ULK4: variants seen among roughly 807,000 people sequenced by gnomAD.
The protein encoded by ULK4 is unc-51 like kinase 4, also known as inactive serine/threonine-protein kinase ULK4.
ULK4 carries 133 observed loss-of-function variants against 160.6 expected under a neutral mutation model. The ratio of observed to expected loss-of-function variants is 0.83; its 90% CI spans 0.72 to 0.96. ULK4 has a LOEUF of 0.96. Among genes scored for constraint, ULK4 ranks in the 40% least tolerant of loss-of-function variants. The pLI, the probability that ULK4 is intolerant of heterozygous loss-of-function variation, is 0.00. For missense variants in ULK4, 1,580 were observed against 1,499.5 expected (o/e 1.05, Z -0.89); for synonymous variants, 534 against 539.8 (o/e 0.99, Z 0.15).
At chr3:41,801,405 T>A (rs2040456476) in intron 19 of ULK4, among the ~76,000 whole-genome samples, 1 of 151,978 alleles carries the variant, frequency 6.6e-6, no homozygotes, top group South Asian at 2.1e-4. Context: ...GAAAAATGCT[T>A]GAAATATTGT....
At chr3:41,494,312 G>C (rs28841581) in intron 32 of ULK4, among the ~76,000 whole-genome samples, 87,159 of 99,662 alleles carry the variant, frequency 0.87, 38,811 homozygotes, top group Middle Eastern at 0.95. Flanking sequence ...CATATAAACA[G>C]AACCAAAGAC....
At chr3:41,389,066 A>G (rs1164018112) in intron 35 of ULK4, among the ~76,000 whole-genome samples, 1 of 152,012 alleles carries the variant, frequency 6.6e-6, no homozygotes, top group Non-Finnish European at 1.5e-5. Flanking sequence ...AGTGGTTTGT[A>G]GTTCTCCTTG....
intron 16 of ULK4, among the ~76,000 whole-genome samples, chr3:41,894,618 C>G (rs1698088487): frequency 6.6e-6 from 1 of 152,172 alleles, no homozygotes; most frequent in Non-Finnish European, 1.5e-5. Flanking sequence ...TACAAGGTAT[C>G]TCATATATTT....
rs549275588 is a variant in ULK4 at position 41,875,589 on chromosome 3, C to G, written c.1656+8285G>C. ...TGAGCTATGATTGTGCCACTGTAGT[C>G]CAGCCTGAACAACACAATGAGACTG... is the stretch of plus-strand genomic sequence containing the variant. On this transcript the variant is annotated intron_variant, in intron 17 of 36. Transcript: ENST00000301831. Among the ~76,000 whole-genome samples, 5 of 152,094 alleles carry G rather than the reference C, an allele frequency of 3.3e-5. No individual in the cohort carries two copies. The South Asian group carries it at 1.0e-3, about 32-fold the overall frequency.
intron 31 of ULK4, among the ~76,000 whole-genome samples, chr3:41,600,466 C>G (rs774430753): frequency 4.7e-4 from 71 of 152,156 alleles, no homozygotes; most frequent in Non-Finnish European, 2.4e-4. Flanking sequence ...AATGGGAGTT[C>G]ACTCTGACAG....
chr3:41,631,743 A>C (rs1402837967), intron 30 of ULK4, among the ~76,000 whole-genome samples: 2 of 151,936 alleles, frequency 1.3e-5, no homozygotes, highest in Admixed American at 6.6e-5. Flanking sequence ...GTACAAAAGG[A>C]GAAATGGGAA....
chr3:41,755,843 G>C (rs1360806037), intron 21 of ULK4, among the ~76,000 whole-genome samples: 1 of 152,154 alleles, frequency 6.6e-6, no homozygotes. Flanking sequence ...CTGAATCAAT[G>C]TTAGTTTCTT....
At chr3:41,850,497 T>C (rs1048198151) in intron 17 of ULK4, among the ~76,000 whole-genome samples, 17 of 151,934 alleles carry the variant, frequency 1.1e-4, no homozygotes, top group Middle Eastern at 6.8e-3. Flanking sequence ...TTTTAATGAT[T>C]GCCATTCTAA....
intron 12 of ULK4, among the ~76,000 whole-genome samples, chr3:41,905,737 T>C (rs1001767423): frequency 3.5e-4 from 53 of 152,266 alleles, no homozygotes; most frequent in African/African-American, 1.2e-3. Context: ...TCAACATCAT[T>C]AGCCATCAGG....
chr3:41,475,928 C>A (rs1188343062), intron 32 of ULK4, among the ~76,000 whole-genome samples: 1 of 137,438 alleles, frequency 7.3e-6, no homozygotes, highest in Non-Finnish European at 1.5e-5. Context: ...AGGGAAGGAG[C>A]GAAGGAAGGA....
chr3:41,289,409 C>T (rs2079517603), intron 35 of ULK4, among the ~76,000 whole-genome samples: 1 of 152,214 alleles, frequency 6.6e-6, no homozygotes. Context: ...TTACAATCAA[C>T]TGCAGCCACT....
chr3:41,776,616 A>G (rs7644787), intron 21 of ULK4, among the ~76,000 whole-genome samples: 25,834 of 116,718 alleles, frequency 0.22, 7,796 homozygotes, highest in African/African-American at 0.6. Flanking sequence ...AATTTATTGA[A>G]AGTTTTTAGC....
intron 20 of ULK4, among the ~76,000 whole-genome samples, chr3:41,790,987 C>A (rs1034114824): frequency 3.3e-5 from 5 of 151,752 alleles, no homozygotes; most frequent in African/African-American, 1.2e-4. Context: ...AGATTTATAA[C>A]CTTAATAACA....
intron 22 of ULK4, among the ~76,000 whole-genome samples, chr3:41,725,892 C>CAGAGACTG (rs2037631043): frequency 1.3e-5 from 2 of 152,184 alleles, no homozygotes; most frequent in Non-Finnish European, 2.9e-5. Context: ...TTAATCCAAA[C>CAGAGACTG]AGAGACTGAG....
chr3:41,552,731 T>G (rs1269514655), intron 32 of ULK4, among the ~76,000 whole-genome samples: 1 of 108,500 alleles, frequency 9.2e-6, no homozygotes, highest in South Asian at 2.8e-4. Flanking sequence ...TTTACAGAAA[T>G]AGAAAAAAAA....
At chr3:41,790,518 G>A (rs2040119567) in intron 20 of ULK4, among the ~76,000 whole-genome samples, 1 of 152,190 alleles carries the variant, frequency 6.6e-6, no homozygotes, top group Admixed American at 6.5e-5. Context: ...GCTTGGAAAG[G>A]AAGAAAAAGT....
chr3:41,782,277 T>G (rs1483805096), intron 21 of ULK4, among the ~76,000 whole-genome samples: 2 of 152,128 alleles, frequency 1.3e-5, no homozygotes, highest in East Asian at 1.9e-4. Context: ...CAGAAATATT[T>G]TCCAGATTCT....
chr3:41,569,679 A>G (rs2087903130), intron 31 of ULK4, among the ~76,000 whole-genome samples: 1 of 152,070 alleles, frequency 6.6e-6, no homozygotes, highest in Admixed American at 6.6e-5. Flanking sequence ...CCCTATTTAT[A>G]TTGCCTTTTA....
chr3:41,686,181 G>A (rs1011168108), intron 27 of ULK4, among the ~76,000 whole-genome samples: 1 of 152,096 alleles, frequency 6.6e-6, no homozygotes, highest in African/African-American at 2.4e-5. Context: ...TAACTATTGA[G>A]ATGAGCTGAC....
Sources: gnomAD v4.1 joint callset for allele counts (sites outside exome capture counted in the v4.1 genomes callset) on GRCh38, gnomAD v4.1.1 for gene constraint, MANE v1.5 for transcripts, NCBI Gene and HGNC (gene_info 2026-07-23, HGNC 2026-07-21) for gene names.